Variants in BAZ2B observed in about 807,000 individuals in gnomAD.
BAZ2B encodes the protein bromodomain adjacent to zinc finger domain 2B.
BAZ2B carries 91 observed loss-of-function variants against 246.0 expected under a neutral mutation model. That is an observed-to-expected ratio of 0.37 (90% CI 0.31 to 0.44). The LOEUF is 0.44. BAZ2B is among the 20% of genes least tolerant of loss of function. BAZ2B has a pLI of 1.00. For synonymous variants in BAZ2B, 855 were observed against 860.0 expected (o/e 0.99, Z 0.10); for missense variants, 2,332 against 2,533.7 (o/e 0.92, Z 1.71).
intron 1 of BAZ2B, among the ~76,000 whole-genome samples, chr2:159,565,795 A>G (rs1360696470): frequency 3.6e-4 from 51 of 139,918 alleles, no homozygotes; most frequent in East Asian, 1.7e-3. Context: ...AAAAAAAAGG[A>G]AAAAAAAAAA....
At chr2:159,581,839 G>A (rs1358447137) in intron 1 of BAZ2B, among the ~76,000 whole-genome samples, 14 of 147,416 alleles carry the variant, frequency 9.5e-5, no homozygotes, top group Non-Finnish European at 1.3e-4. Context: ...ACCAAACACC[G>A]CATGTTCTCA....
intron 2 of BAZ2B, among the ~76,000 whole-genome samples, chr2:159,522,890 G>T (rs557894502): frequency 6.6e-6 from 1 of 152,088 alleles, no homozygotes; most frequent in South Asian, 2.1e-4. Flanking sequence ...AAAACATGGT[G>T]ATAGGGTTTG....
intron 1 of BAZ2B, among the ~76,000 whole-genome samples, chr2:159,609,974 T>C (rs554734824): frequency 5.3e-5 from 8 of 152,320 alleles, no homozygotes; most frequent in South Asian, 2.1e-4. Context: ...GAAATCCCAG[T>C]AGTTTTGCTT....
intron 31 of BAZ2B, among the ~76,000 whole-genome samples, chr2:159,343,712 G>C (rs1157806318): frequency 6.8e-6 from 1 of 146,122 alleles, no homozygotes; most frequent in Non-Finnish European, 1.5e-5. Context: ...TCTCACCCCA[G>C]TTAGAATGGC....
At chr2:159,663,709 G>T in the BAZ2B span, among the ~76,000 whole-genome samples, 1 of 150,524 alleles carries the variant, frequency 6.6e-6, no homozygotes, top group Admixed American at 6.6e-5. Flanking sequence ...GGTAGAGACG[G>T]GGTTTCACTA....
intron 27 of BAZ2B, among the ~76,000 whole-genome samples, chr2:159,363,079 A>G (rs2059883240): frequency 6.6e-6 from 1 of 152,172 alleles, no homozygotes; most frequent in Admixed American, 6.6e-5. Context: ...TGGCCTGCTA[A>G]TTTGCATGGT....
At chr2:159,508,742 T>C (rs2082600135) in intron 2 of BAZ2B, among the ~76,000 whole-genome samples, 1 of 152,194 alleles carries the variant, frequency 6.6e-6, no homozygotes, top group Admixed American at 6.5e-5. Flanking sequence ...CCAATTAGTT[T>C]TCCTTTTATT....
At chr2:159,442,446 T>C (rs1313449852) in intron 6 of BAZ2B, among the ~76,000 whole-genome samples, 1 of 152,204 alleles carries the variant, frequency 6.6e-6, no homozygotes, top group African/African-American at 2.4e-5. Flanking sequence ...CCCACTGGGA[T>C]AGAACACTAG....
chr2:159,489,939 G>A (rs2080257208), intron 2 of BAZ2B, among the ~76,000 whole-genome samples: 1 of 152,012 alleles, frequency 6.6e-6, no homozygotes, highest in African/African-American at 2.4e-5. Flanking sequence ...AATCTAGACA[G>A]AAATGAACAA....
intron 10 of BAZ2B, among the ~76,000 whole-genome samples, chr2:159,430,580 T>C (rs934963759): frequency 4.6e-5 from 7 of 152,196 alleles, no homozygotes; most frequent in Admixed American, 6.5e-5. Context: ...AACTGTCAAT[T>C]AAATTCTATA....
Position 159,453,639 on chromosome 2 carries a change from G to A in BAZ2B, c.308C>T (p.Ala103Val). The A allele has an allele frequency of 6.2e-7, 1 of 1,610,830 alleles. No individual in the cohort carries two copies. The highest frequency in any genetic ancestry group is 8.5e-7 in the Non-Finnish European group (1 of 1,178,404). ...TGGAAAAGATGCTAGTTGGGGATGTGCGGCTAAGGCTGTGGGTGTACCAAG... is the reference window on the plus strand; with the variant it reads ...TGGAAAAGATGCTAGTTGGGGATGTACGGCTAAGGCTGTGGGTGTACCAAG... ...GTLGTPTALA[A>V]HPQLASFPGA... is the part of the protein sequence containing the mutation. The change falls in exon 4 of 37, where the codon GCA becomes GTA. Residue 103 changes from alanine to valine, a missense_variant. Around this residue, in one of 9 missense-constraint regions of BAZ2B, gnomAD observed 242 missense variants for 237.4 expected, o/e 1.02. Coordinates refer to ENST00000392783, the MANE Select transcript of BAZ2B (RefSeq NM_013450.4).
chr2:159,477,053 C>T (rs1322182536), intron 3 of BAZ2B, among the ~76,000 whole-genome samples: 2 of 152,152 alleles, frequency 1.3e-5, no homozygotes, highest in East Asian at 1.9e-4. Flanking sequence ...CGCCTGTAAT[C>T]CCAGCACTTT....
At chr2:159,463,268 C>A (rs576536574) in intron 3 of BAZ2B, 3 of 391,084 alleles carry the variant, frequency 7.7e-6, no homozygotes, top group African/African-American at 6.2e-5. Flanking sequence ...TTGGGCTGTT[C>A]TCAACATTTA....
chr2:159,431,541 G>A (rs903943904), intron 9 of BAZ2B, among the ~76,000 whole-genome samples: 1 of 152,134 alleles, frequency 6.6e-6, no homozygotes, highest in African/African-American at 2.4e-5. Context: ...ATATGAGAAA[G>A]AGAAATCTGA....
rs748773859 is a variant in BAZ2B, at chr2:159,386,457, C to T, written c.3367G>A (p.Glu1123Lys). ...IDVPNLSVLQEGLLNIGDSMG... is the reference protein window; with the variant it reads ...IDVPNLSVLQKGLLNIGDSMG... The stretch of plus-strand genomic sequence containing the variant: ...CTGTCCCCTATATTTAGCAATCCCT[C>T]TTGAAGAACACTCAGGTTTGGAACA... The change falls in exon 22 of 37, where the codon GAG becomes AAG. Residue 1123 changes from glutamate to lysine, a missense_variant. Physicochemically the swap from Glu to Lys is moderately conservative, Grantham distance 56. Coordinates refer to ENST00000392783, the MANE Select transcript of BAZ2B (RefSeq NM_013450.4). 5 of 1,613,528 alleles carry T rather than the reference C, an allele frequency of 3.1e-6. No individual in the cohort carries two copies. The African/African-American group carries it at 6.7e-5, about 22-fold the overall frequency.
At chr2:159,543,108 AG>A (rs989981011) in intron 2 of BAZ2B, among the ~76,000 whole-genome samples, 1 of 152,192 alleles carries the variant, frequency 6.6e-6, no homozygotes, top group African/African-American at 2.4e-5. Flanking sequence ...AACTCATGAC[AG>A]GGTGCCTGGC....
chr2:159,511,687 C>T (rs1357429997), intron 2 of BAZ2B, among the ~76,000 whole-genome samples: 1 of 152,022 alleles, frequency 6.6e-6, no homozygotes, highest in Admixed American at 6.5e-5. Flanking sequence ...AAGTGATACA[C>T]AAACATTTAA....
intron 34 of BAZ2B, among the ~76,000 whole-genome samples, chr2:159,331,206 A>G (rs1367745907): frequency 6.6e-6 from 1 of 152,160 alleles, no homozygotes; most frequent in Non-Finnish European, 1.5e-5. Flanking sequence ...AAGGTATGTG[A>G]GCCCGGATGC....
In BAZ2B at chr2:159,340,594, T is replaced by C. The variant is rs138037054; in HGVS notation, c.5455-2822A>G. Among the ~76,000 whole-genome samples, 729 of 152,016 alleles carry C rather than the reference T, an allele frequency of 4.8e-3. 3 individuals carry two copies. The highest frequency in any genetic ancestry group is 0.017 in the African/African-American group (700 of 41,496). On this transcript the variant is annotated intron_variant, in intron 31 of 36. Coordinates refer to ENST00000392783, the MANE Select transcript of BAZ2B (RefSeq NM_013450.4). ...AACATTGGATTTCTCAGCAGAAACC[T>C]TGTAGGCCAGGAGAGAATGGGATGA...
Sources: allele counts gnomAD v4.1 joint callset (sites outside exome capture counted in the v4.1 genomes callset), GRCh38; gene constraint gnomAD v4.1.1; regional missense constraint gnomAD v4.1.1; transcripts MANE v1.5; gene names NCBI Gene and HGNC (gene_info 2026-07-23, HGNC 2026-07-21).